The following CLEC16A variants were observed in gnomAD, a reference collection of about 807,000 sequenced individuals.
The protein encoded by CLEC16A is C-type lectin domain containing 16A, also known as protein CLEC16A.
A neutral mutation model predicts 109.5 loss-of-function variants in CLEC16A; 51 were observed. That is an observed-to-expected ratio of 0.47 (90% CI 0.37 to 0.59). CLEC16A has a LOEUF of 0.59. Among genes scored for constraint, CLEC16A ranks in the 20% least tolerant of loss-of-function variants. The probability of loss-of-function intolerance (pLI) is 0.00; values close to 1 mark genes in which losing one functional copy is unlikely to be tolerated. For synonymous variants in CLEC16A, 673 were observed against 564.2 expected, an observed-to-expected ratio of 1.19 and a Z score of -2.73; for missense variants, 1,339 against 1,394.0, an observed-to-expected ratio of 0.96 and a Z score of 0.63.
chr16:10,973,467 T>A (rs1352307481), intron 7 of CLEC16A, among the ~76,000 whole-genome samples: 1 of 152,204 alleles, frequency 6.6e-6, no homozygotes, highest in Non-Finnish European at 1.5e-5. Flanking sequence ...CCTAGTGAAA[T>A]GCCCAGAATA....
intron 13 of CLEC16A, among the ~76,000 whole-genome samples, chr16:11,028,322 T>G (rs2046541473): frequency 6.6e-6 from 1 of 152,190 alleles, no homozygotes; most frequent in Non-Finnish European, 1.5e-5. Context: ...GCACATTCCA[T>G]GGAGGAAGGA....
At chr16:11,139,639 C>G (rs1253499651) in intron 22 of CLEC16A, among the ~76,000 whole-genome samples, 2 of 152,184 alleles carry the variant, frequency 1.3e-5, no homozygotes, top group African/African-American at 4.8e-5. Flanking sequence ...CTCTGTCACT[C>G]CCTGCTGTGA....
chr16:11,107,160 CGG>C (rs897716538), intron 19 of CLEC16A, among the ~76,000 whole-genome samples: 4 of 152,182 alleles, frequency 2.6e-5, no homozygotes, highest in Non-Finnish European at 5.9e-5. Flanking sequence ...CCAGTTTCCC[CGG>C]GTAACTGAAT....
At chr16:10,981,175 A>G (rs1425890075) in intron 9 of CLEC16A, among the ~76,000 whole-genome samples, 1 of 152,214 alleles carries the variant, frequency 6.6e-6, no homozygotes, top group East Asian at 1.9e-4. Context: ...TGCTCACTGA[A>G]TGCTTGTGGA....
At chr16:10,980,832 A>G (rs916744434) in intron 9 of CLEC16A, among the ~76,000 whole-genome samples, 3 of 152,206 alleles carry the variant, frequency 2.0e-5, no homozygotes, top group African/African-American at 7.2e-5. Context: ...ACCTAAAATC[A>G]GGTATAAATC....
Position 11,071,561 on chromosome 16 carries a change from T to C in CLEC16A, c.2116+10539T>C, listed in dbSNP as rs2049070818. Reference sequence around the variant, plus strand: ...CAAACTGAAGACATTTGCATATGGATTGTGATTGAGTAATATAATTGAGGT... The same window carrying C: ...CAAACTGAAGACATTTGCATATGGACTGTGATTGAGTAATATAATTGAGGT... On this transcript the variant is annotated intron_variant, in intron 19 of 23. Coordinates refer to ENST00000409790, the MANE Select transcript of CLEC16A (RefSeq NM_015226.3). 2.6e-5 allele frequency among the ~76,000 whole-genome samples: 4 copies of C among 151,750 alleles called. No individual in the cohort carries two copies. The South Asian group carries it at 8.3e-4, about 32-fold the overall frequency.
At position 10,954,275 on chromosome 16, in the gene CLEC16A, G is replaced by A. The variant is rs2041881939; in HGVS notation, c.81-3507G>A. ...TTGTCCTGTGCAGTGGCAACAGTGT[G>A]CACATCTTCAGGTTACTGTGAGTCT... On this transcript the variant is annotated intron_variant, in intron 1 of 23. Coordinates refer to ENST00000409790, the MANE Select transcript of CLEC16A (RefSeq NM_015226.3). The surrounding 1 kb of genome is among the most constrained non-coding windows in gnomAD (Gnocchi z 4.2). Among the ~76,000 whole-genome samples the A allele has an allele frequency of 6.6e-6, 1 of 152,200 alleles. No individual in the cohort carries two copies. The highest frequency in any genetic ancestry group is 1.5e-5 in the Non-Finnish European group (1 of 68,040).
At chr16:10,968,686 A>G (rs947011544) in intron 3 of CLEC16A, among the ~76,000 whole-genome samples, 2 of 152,154 alleles carry the variant, frequency 1.3e-5, no homozygotes, top group Non-Finnish European at 2.9e-5. Context: ...TGTAGTAGGG[A>G]TTCAGCAGGA....
chr16:10,971,712 C>T (rs2042797156), intron 5 of CLEC16A, among the ~76,000 whole-genome samples: 1 of 152,236 alleles, frequency 6.6e-6, no homozygotes, highest in Non-Finnish European at 1.5e-5. Context: ...TCCTTTCCCT[C>T]AAGATGTTCT....
intron 19 of CLEC16A, among the ~76,000 whole-genome samples, chr16:11,075,441 T>C (rs1274660570): frequency 6.6e-6 from 1 of 151,364 alleles, no homozygotes; most frequent in Non-Finnish European, 1.5e-5. Flanking sequence ...TGTGTGTGTG[T>C]GTGTGTGTGT....
chr16:11,038,372 A>C (rs1461342100), intron 13 of CLEC16A, among the ~76,000 whole-genome samples: 3 of 152,164 alleles, frequency 2.0e-5, no homozygotes, highest in Non-Finnish European at 4.4e-5. Context: ...ACAAGCGCAA[A>C]TAATCCATTC....
chr16:11,070,568 T>C (rs989289136), intron 19 of CLEC16A: 1 of 152,250 alleles, frequency 6.6e-6, no homozygotes, highest in African/African-American at 2.4e-5. Flanking sequence ...TGCTTCTGTT[T>C]TGTCCCCTAG....
intron 22 of CLEC16A, among the ~76,000 whole-genome samples, chr16:11,148,887 C>T (rs984613485): frequency 6.6e-6 from 1 of 152,216 alleles, no homozygotes; most frequent in African/African-American, 2.4e-5. Flanking sequence ...AAGAGAAGCT[C>T]CAGCAGTTCT....
At chr16:10,971,003 G>C in intron 4 of CLEC16A, 122 bp from the exon 5 acceptor site, 2 of 651,240 alleles carry the variant, frequency 3.1e-6, no homozygotes, top group Non-Finnish European at 2.6e-6. Flanking sequence ...GTTCACATTG[G>C]CAACATTTTT....
intron 9 of CLEC16A, 40 bp from the exon 10 acceptor site, chr16:10,982,838 C>A: frequency 8.3e-7 from 1 of 1,209,516 alleles, no homozygotes; most frequent in Non-Finnish European, 1.2e-6. Context: ...GAAAATACCG[C>A]ACACTTTCAT....
At chr16:11,130,795 G>T (rs2053153985) in intron 22 of CLEC16A, among the ~76,000 whole-genome samples, 2 of 152,206 alleles carry the variant, frequency 1.3e-5, no homozygotes, top group Admixed American at 1.3e-4. Context: ...TCTGGCTGCT[G>T]CCTCGGGGTG....
At chr16:10,965,985 T>C (rs1186723601) in intron 3 of CLEC16A, among the ~76,000 whole-genome samples, 2 of 152,112 alleles carry the variant, frequency 1.3e-5, no homozygotes, top group Admixed American at 6.5e-5. Context: ...CACTAGCCAG[T>C]CACAGCAGGG....
intron 19 of CLEC16A, among the ~76,000 whole-genome samples, chr16:11,086,245 G>A (rs77137329): frequency 1.5e-4 from 23 of 152,200 alleles, no homozygotes; most frequent in Non-Finnish European, 2.4e-4. Context: ...TGGAGGCCAT[G>A]GGGCTGGTGG....
intron 19 of CLEC16A, among the ~76,000 whole-genome samples, chr16:11,078,604 C>T (rs953882584): frequency 6.6e-6 from 1 of 152,202 alleles, no homozygotes; most frequent in African/African-American, 2.4e-5. Context: ...GGGTGAATGA[C>T]ATTTCTCAAT....
Sources: gnomAD v4.1 joint callset for allele counts (sites outside exome capture counted in the v4.1 genomes callset) on GRCh38, gnomAD v4.1.1 for gene constraint, Gnocchi (gnomAD v3.1) non-coding constraint, MANE v1.5 for transcripts, NCBI Gene and HGNC (gene_info 2026-07-23, HGNC 2026-07-21) for gene names.